Variants in NCOA7 observed in about 807,000 individuals in gnomAD.
NCOA7 encodes the protein nuclear receptor coactivator 7.
Under a neutral mutation model 104.3 loss-of-function variants are expected in NCOA7, and 45 were observed. The observed-to-expected ratio is 0.43, with a 90% CI of 0.34 to 0.55. The LOEUF (loss-of-function observed/expected upper bound fraction) is 0.55. Among genes scored for constraint, NCOA7 ranks in the 20% least tolerant of loss-of-function variants. The probability of loss-of-function intolerance (pLI) is 0.02; values close to 1 mark genes in which losing one functional copy is unlikely to be tolerated. For synonymous variants in NCOA7, 398 were observed against 402.3 expected, an observed-to-expected ratio of 0.99 and a Z score of 0.13; for missense variants, 1,041 against 1,119.7, an observed-to-expected ratio of 0.93 and a Z score of 1.00.
At chr6:125,804,446 A>G (rs1776224671) in intron 1 of NCOA7, among the ~76,000 whole-genome samples, 1 of 152,180 alleles carries the variant, frequency 6.6e-6, no homozygotes, top group Non-Finnish European at 1.5e-5. Context: ...AATCAAAAGC[A>G]TGTCACAGGT....
chr6:125,885,171 G>A lies in NCOA7; in HGVS notation c.712G>A (p.Gly238Ser), dbSNP rs1784152813. ...YFTDGKGVVG[G>S]VMIVTPNNIM... The stretch of plus-strand genomic sequence containing the variant: ...CTTTCTCCTGCAGGGTGTGGTTGGC[G>A]GTGTTATGATAGTGACTCCTAACAA... Residue 238 changes from glycine to serine, a missense_variant, in exon 8 of 16, where the codon GGT becomes AGT. Transcript: ENST00000392477. 1.2e-6 allele frequency: 2 copies of A among 1,613,734 alleles called. No homozygotes were observed. Among genetic ancestry groups the A allele is most frequent in the Non-Finnish European group, 1.7e-6 (2 of 1,179,842 alleles).
At chr6:125,793,600 A>G (rs1300956841) in intron 1 of NCOA7, among the ~76,000 whole-genome samples, 4 of 152,150 alleles carry the variant, frequency 2.6e-5, no homozygotes. Flanking sequence ...AATGCAATCC[A>G]AGACCTGGAT....
chr6:125,886,782 A>G (rs1181115278), intron 8 of NCOA7, among the ~76,000 whole-genome samples: 1 of 152,266 alleles, frequency 6.6e-6, no homozygotes, highest in African/African-American at 2.4e-5. Context: ...GTTTAATGAT[A>G]AAACAATAAG....
intron 2 of NCOA7, among the ~76,000 whole-genome samples, chr6:125,819,051 T>C (rs940184454): frequency 1.3e-5 from 2 of 152,162 alleles, no homozygotes; most frequent in African/African-American, 4.8e-5. Context: ...ATTACATATC[T>C]GAAACCCTAA....
chr6:125,885,094 C>T, intron 7 of NCOA7, 65 bp from the exon 8 acceptor site: 3 of 1,549,352 alleles, frequency 1.9e-6, no homozygotes, highest in Non-Finnish European at 2.7e-6. Flanking sequence ...TTAATTAAAG[C>T]TCTGTGGTAG....
rs1278983107 is a variant in NCOA7, at chr6:125,878,371, G to A, written c.459+1G>A. 1 of 1,592,958 alleles carries A rather than the reference G, an allele frequency of 6.3e-7. No individual in the cohort carries two copies. The highest frequency in any genetic ancestry group is 2.3e-5 in the East Asian group (1 of 44,392). ...CACACATACTATTGTTCCAGGCCAGGTAATTATACTCTTACTGGATATAAC... is the reference window on the plus strand; with the variant it reads ...CACACATACTATTGTTCCAGGCCAGATAATTATACTCTTACTGGATATAAC... On this transcript the variant is annotated splice_donor_variant, in intron 5 of 15. Transcript: ENST00000392477. LOFTEE classifies it high-confidence loss of function.
intron 1 of NCOA7, among the ~76,000 whole-genome samples, chr6:125,808,783 G>A (rs1388012448): frequency 6.6e-6 from 1 of 152,200 alleles, no homozygotes; most frequent in Non-Finnish European, 1.5e-5. Context: ...TCATTTGCAT[G>A]TTCTTTTCTA....
chr6:125,836,027 A>G (rs1779583200), intron 2 of NCOA7, among the ~76,000 whole-genome samples: 1 of 152,182 alleles, frequency 6.6e-6, no homozygotes, highest in Admixed American at 6.5e-5. Flanking sequence ...AGATTCTATG[A>G]TTTACGCTTC....
At chr6:125,908,866 A>G (rs1786266802) in intron 10 of NCOA7, among the ~76,000 whole-genome samples, 1 of 152,270 alleles carries the variant, frequency 6.6e-6, no homozygotes, top group African/African-American at 2.4e-5. Context: ...ATTGACCTGC[A>G]CTTTTCACAC....
rs118017232 is a variant in NCOA7, at chr6:125,805,583, T to C, written c.-64-9708T>C. Among the ~76,000 whole-genome samples, 222 of 152,358 alleles carry C rather than the reference T, an allele frequency of 1.5e-3. 1 individual carries two copies. Among genetic ancestry groups the C allele is most frequent in the Non-Finnish European group, 2.4e-3 (165 of 68,026 alleles). On this transcript the variant is annotated intron_variant, in intron 1 of 15. Transcript: ENST00000392477. ...CCTTGAATAAATTCTTTAATTGTTCTAAAGTTCAGACTCTTTATCTGGAAA... is the reference window on the plus strand; with the variant it reads ...CCTTGAATAAATTCTTTAATTGTTCCAAAGTTCAGACTCTTTATCTGGAAA...
chr6:125,928,510 T>A (rs1788237844), intron 15 of NCOA7, 126 bp from the exon 16 acceptor site: 1 of 1,096,498 alleles, frequency 9.1e-7, no homozygotes, highest in Non-Finnish European at 1.3e-6. Context: ...TGTATCCTGG[T>A]TTTATAAGCA....
intron 1 of NCOA7, among the ~76,000 whole-genome samples, chr6:125,805,084 G>GTTT (rs1439957902): frequency 2.0e-4 from 13 of 66,614 alleles, no homozygotes; most frequent in African/African-American, 3.9e-4. Flanking sequence ...TCACCCTCTT[G>GTTT]TTCTTTTTTT....
At chr6:125,922,658 A>T (rs1344952622) in intron 12 of NCOA7, 24 bp from the exon 13 acceptor site, 2 of 1,605,500 alleles carry the variant, frequency 1.2e-6, no homozygotes, top group Admixed American at 3.4e-5. Flanking sequence ...CCTTCTGTTT[A>T]CATCTCTTCC....
Position 125,863,135 on chromosome 6 carries a change from G to T in NCOA7, c.271+7895G>T, listed in dbSNP as rs1427915317. On this transcript the variant is annotated intron_variant, in intron 3 of 15. Coordinates refer to ENST00000392477, the MANE Select transcript of NCOA7 (RefSeq NM_181782.5). ...TCTAGAAATCAGTTATATTTCCTTA[G>T]AAACTCCAGTAGTTAGGGAGCATGA... Among the ~76,000 whole-genome samples, 6 of 139,014 alleles carry T rather than the reference G, an allele frequency of 4.3e-5. 1 individual carries two copies. The highest frequency in any genetic ancestry group is 1.8e-4 in the African/African-American group (6 of 33,584). 91.2% of individuals were successfully genotyped at this position (139,014 alleles called of 152,430 possible). A position where few individuals can be genotyped will look rare whatever the true frequency, so the allele number is the denominator to read the frequency against.
intron 10 of NCOA7, among the ~76,000 whole-genome samples, chr6:125,898,109 CTCTT>C (rs907816563): frequency 2.0e-4 from 31 of 152,322 alleles, no homozygotes; most frequent in African/African-American, 4.8e-4. Context: ...TTTTTCAACT[CTCTT>C]TCTATCTTCT....
chr6:125,841,436 G>A (rs1780164120), intron 2 of NCOA7, among the ~76,000 whole-genome samples: 1 of 152,052 alleles, frequency 6.6e-6, no homozygotes, highest in South Asian at 2.1e-4. Context: ...GTTTAGCAAG[G>A]CATGATTATA....
rs1343693434 is a variant in NCOA7 at position 125,915,375 on chromosome 6, T to C, written c.2139T>C (p.Asp713=). The change falls in exon 11 of 16, where the codon GAT becomes GAC. Residue 713 remains aspartate (D), a synonymous_variant. Transcript: ENST00000392477. ...LYTFFVQWSP[D]VYGKDAKEQG... ...CATTCTTTGTTCAGTGGTCTCCCGA[T>C]GTCTATGGAAAAGATGCCAAAGAGC... is the stretch of plus-strand genomic sequence containing the variant. The C allele has an allele frequency of 6.8e-6, 11 of 1,613,828 alleles. No homozygotes were observed. Among genetic ancestry groups the C allele is most frequent in the African/African-American group, 6.7e-5 (5 of 74,916 alleles).
chr6:125,821,846 A>T (rs959939280), intron 2 of NCOA7, among the ~76,000 whole-genome samples: 11 of 151,912 alleles, frequency 7.2e-5, no homozygotes, highest in African/African-American at 2.7e-4. Flanking sequence ...ATAATTCTGT[A>T]CAAAAAGCCT....
At chr6:125,860,952 A>G (rs1781995763) in intron 3 of NCOA7, among the ~76,000 whole-genome samples, 1 of 152,232 alleles carries the variant, frequency 6.6e-6, no homozygotes, top group South Asian at 2.1e-4. Flanking sequence ...TAAGAAAATT[A>G]TACTTGGGAG....
Sources: allele counts gnomAD v4.1 joint callset (sites outside exome capture counted in the v4.1 genomes callset), GRCh38; gene constraint gnomAD v4.1.1; transcripts MANE v1.5; gene names NCBI Gene and HGNC (gene_info 2026-07-23, HGNC 2026-07-21).